Variants in CDH8 observed in about 807,000 individuals in gnomAD.
CDH8 encodes cadherin-8.
CDH8 carries 17 observed loss-of-function variants against 68.1 expected under a neutral mutation model. The observed-to-expected ratio is 0.25, with a 90% confidence interval of 0.17 to 0.37. The LOEUF (loss-of-function observed/expected upper bound fraction) is 0.37, where lower values mean the gene tolerates loss of function less well. Ranked by LOEUF, CDH8 falls within the 10% of genes least tolerant of loss-of-function variation. CDH8 has a pLI of 1.00. For synonymous variants in CDH8, 372 were observed against 365.1 expected (o/e 1.02, Z -0.21); for missense variants, 763 against 999.3 (o/e 0.76, Z 3.19).
chr16:61,911,670 G>A (rs1454435034), intron 2 of CDH8, among the ~76,000 whole-genome samples: 1 of 150,182 alleles, frequency 6.7e-6, no homozygotes, highest in Non-Finnish European at 1.5e-5. Flanking sequence ...ATAGGTAGAT[G>A]AATAGAGATA....
chr16:61,735,486 T>A (rs1490476419), intron 8 of CDH8, among the ~76,000 whole-genome samples: 1 of 152,148 alleles, frequency 6.6e-6, no homozygotes, highest in Non-Finnish European at 1.5e-5. Flanking sequence ...GATAAATGCC[T>A]TTTGTCATTC....
intron 1 of CDH8, 70 bp from the exon 2 acceptor site, chr16:62,021,672 C>G: frequency 1.2e-6 from 1 of 842,750 alleles, no homozygotes; most frequent in Non-Finnish European, 1.6e-6. Flanking sequence ...CACTGCTTTT[C>G]AAAAGCACCT....
At chr16:61,832,375 G>GATAGATAGATAC (rs1413565669) in intron 4 of CDH8, among the ~76,000 whole-genome samples, 22 of 147,322 alleles carry the variant, frequency 1.5e-4, no homozygotes, top group East Asian at 5.9e-4. Flanking sequence ...TAGATAGATA[G>GATAGATAGATAC]ATAGATACAT....
chr16:61,868,932 G>T (rs2143028560), intron 3 of CDH8, among the ~76,000 whole-genome samples: 1 of 152,208 alleles, frequency 6.6e-6, no homozygotes, highest in East Asian at 1.9e-4. Flanking sequence ...TTTCAAATTG[G>T]GAGGATGAAA....
At chr16:61,911,109 T>C (rs1964153950) in intron 2 of CDH8, among the ~76,000 whole-genome samples, 1 of 152,060 alleles carries the variant, frequency 6.6e-6, no homozygotes, top group African/African-American at 2.4e-5. Context: ...ATAGTAATAG[T>C]GGGTCAATTA....
chr16:61,863,870 TCTTA>T (rs1170128362), intron 3 of CDH8, among the ~76,000 whole-genome samples: 3 of 152,166 alleles, frequency 2.0e-5, no homozygotes, highest in African/African-American at 7.2e-5. Flanking sequence ...TCTGAAAATG[TCTTA>T]CTTAAACATT....
chr16:61,665,811 T>TTTC (rs1963664129), intron 10 of CDH8, among the ~76,000 whole-genome samples: 2 of 74,678 alleles, frequency 2.7e-5, no homozygotes, highest in African/African-American at 5.5e-5. Flanking sequence ...TTCCTTTCCC[T>TTTC]CCTTCCTTCC....
At chr16:61,659,421 G>C (rs773563070) in intron 10 of CDH8, among the ~76,000 whole-genome samples, 1 of 152,190 alleles carries the variant, frequency 6.6e-6, no homozygotes, top group Non-Finnish European at 1.5e-5. Flanking sequence ...CGAGCAGTTG[G>C]AGGACGATTT....
intron 8 of CDH8, among the ~76,000 whole-genome samples, chr16:61,732,510 T>C (rs2142905565): frequency 6.6e-6 from 1 of 151,954 alleles, no homozygotes; most frequent in East Asian, 1.9e-4. Context: ...CCAGGAATCC[T>C]ATATCCATCA....
intron 3 of CDH8, among the ~76,000 whole-genome samples, chr16:61,877,272 A>T (rs780561995): frequency 1.2e-4 from 18 of 151,604 alleles, no homozygotes; most frequent in African/African-American, 2.7e-4. Context: ...TGACAAATTC[A>T]TAAGAAAATA....
chr16:62,010,840 G>T (rs2150603995), intron 2 of CDH8, among the ~76,000 whole-genome samples: 1 of 151,986 alleles, frequency 6.6e-6, no homozygotes, highest in East Asian at 1.9e-4. Context: ...CTACTCAAGA[G>T]GCTGAGGCAG....
At chr16:61,657,209 T>C (rs1161959815) in intron 10 of CDH8, among the ~76,000 whole-genome samples, 2 of 152,102 alleles carry the variant, frequency 1.3e-5, no homozygotes, top group African/African-American at 4.8e-5. Context: ...AAGTGAGATA[T>C]CCCATTCAGA....
intron 2 of CDH8, among the ~76,000 whole-genome samples, chr16:61,972,571 G>GGGTGGGTGTGT (rs369833002): frequency 4.6e-5 from 6 of 131,468 alleles, no homozygotes; most frequent in Non-Finnish European, 1.0e-4. Context: ...ACACATTGTG[G>GGGTGGGTGTGT]GTGTGTGTGT....
chr16:61,708,304 A>G (rs543043260), intron 10 of CDH8, among the ~76,000 whole-genome samples: 59 of 152,292 alleles, frequency 3.9e-4, no homozygotes, highest in African/African-American at 1.3e-3. Flanking sequence ...TATAAAATCT[A>G]TGCTATGTAT....
intron 4 of CDH8, among the ~76,000 whole-genome samples, chr16:61,848,152 T>C (rs973771677): frequency 1.3e-5 from 2 of 152,124 alleles, no homozygotes; most frequent in African/African-American, 4.8e-5. Flanking sequence ...AGGGACATGA[T>C]ACATAGAAAG....
chr16:61,895,713 G>T (rs1963858270), intron 3 of CDH8, among the ~76,000 whole-genome samples: 1 of 152,148 alleles, frequency 6.6e-6, no homozygotes, highest in African/African-American at 2.4e-5. Context: ...GAAATATAAA[G>T]TTAGGTCTTG....
At chr16:61,955,227 C>T (rs141932469) in intron 2 of CDH8, among the ~76,000 whole-genome samples, 2,244 of 152,292 alleles carry the variant, frequency 0.015, 13 homozygotes, top group Non-Finnish European at 0.022. Context: ...ATACTTAAGT[C>T]AACCTAAAGA....
At chr16:61,877,966 T>C (rs771087733) in intron 3 of CDH8, among the ~76,000 whole-genome samples, 1 of 152,180 alleles carries the variant, frequency 6.6e-6, no homozygotes, top group Admixed American at 6.5e-5. Context: ...AGGGAAAACA[T>C]GTATTAGCGG....
At chr16:62,022,963 G>A (rs768697255) in intron 1 of CDH8, among the ~76,000 whole-genome samples, 1 of 152,156 alleles carries the variant, frequency 6.6e-6, no homozygotes, top group African/African-American at 2.4e-5. Flanking sequence ...GCAAGCAGCA[G>A]TTGCTTTGGA....
Sources: allele counts gnomAD v4.1 joint callset (sites outside exome capture counted in the v4.1 genomes callset), GRCh38; gene constraint gnomAD v4.1.1; transcripts MANE v1.5; gene names NCBI Gene and HGNC (gene_info 2026-07-23, HGNC 2026-07-21).